MAF: variants seen among roughly 807,000 people sequenced by gnomAD.
MAF encodes the protein MAF bZIP transcription factor.
A neutral mutation model predicts 22.0 loss-of-function variants in MAF; 10 were observed. The observed-to-expected ratio is 0.45, with a 90% CI of 0.28 to 0.77. The LOEUF is 0.77. Among genes scored for constraint, MAF ranks in the 30% least tolerant of loss-of-function variants. MAF has a pLI of 0.12. For missense variants in MAF, 544 were observed against 548.4 expected, an observed-to-expected ratio of 0.99 and a Z score of 0.08; for synonymous variants, 337 against 255.8, an observed-to-expected ratio of 1.32 and a Z score of -3.03.
chr16:79,453,123 C>T, the MAF span, among the ~76,000 whole-genome samples: 1 of 152,156 alleles, frequency 6.6e-6, no homozygotes, highest in Non-Finnish European at 1.5e-5. Context: ...GCACTGGAAA[C>T]ACTTTTCAGA....
the MAF span, among the ~76,000 whole-genome samples, chr16:79,468,679 G>A: frequency 6.6e-6 from 1 of 152,220 alleles, no homozygotes; most frequent in Non-Finnish European, 1.5e-5. Context: ...GGATGGTGCA[G>A]ACAGTGGTAA....
chr16:79,477,595 A>T, the MAF span, among the ~76,000 whole-genome samples: 1 of 152,204 alleles, frequency 6.6e-6, no homozygotes, highest in South Asian at 2.1e-4. Context: ...TAACATTCCT[A>T]TAGCTGCTTT....
chr16:79,339,478 G>C, the MAF span, among the ~76,000 whole-genome samples: 1 of 152,152 alleles, frequency 6.6e-6, no homozygotes, highest in Non-Finnish European at 1.5e-5. Context: ...AGAAGCCTGG[G>C]TCCCTGAATC....
At chr16:79,385,687 G>C in the MAF span, among the ~76,000 whole-genome samples, 2 of 152,134 alleles carry the variant, frequency 1.3e-5, no homozygotes, top group African/African-American at 4.8e-5. Flanking sequence ...GATCACTTAA[G>C]GTCAGGAGTT....
chr16:79,329,757 A>G, the MAF span, among the ~76,000 whole-genome samples: 3 of 152,324 alleles, frequency 2.0e-5, no homozygotes, highest in Middle Eastern at 6.8e-3. Context: ...TTATTGATCT[A>G]TAGTATATAA....
At chr16:79,521,248 G>A in the MAF span, among the ~76,000 whole-genome samples, 6 of 152,256 alleles carry the variant, frequency 3.9e-5, no homozygotes, top group Admixed American at 6.5e-5. Context: ...TAATAGAATC[G>A]CAACATATCA....
chr16:79,559,057 T>G, the MAF span, among the ~76,000 whole-genome samples: 1 of 152,338 alleles, frequency 6.6e-6, no homozygotes, highest in Non-Finnish European at 1.5e-5. Flanking sequence ...GTTTGTGAGC[T>G]GTTGACATTG....
At chr16:79,557,900 G>A in the MAF span, among the ~76,000 whole-genome samples, 1 of 151,028 alleles carries the variant, frequency 6.6e-6, no homozygotes, top group Non-Finnish European at 1.5e-5. Context: ...ACTTCATTGG[G>A]CACTAAGAGA....
chr16:79,289,109 G>A, the MAF span, among the ~76,000 whole-genome samples: 1 of 152,172 alleles, frequency 6.6e-6, no homozygotes, highest in African/African-American at 2.4e-5. Context: ...GAAGTATGAG[G>A]CCATGCAAGG....
the MAF span, among the ~76,000 whole-genome samples, chr16:79,309,942 T>C: frequency 6.6e-6 from 1 of 152,192 alleles, no homozygotes; most frequent in East Asian, 1.9e-4. Context: ...ATGCAAATAT[T>C]CAGAGGTTAA....
the MAF span, among the ~76,000 whole-genome samples, chr16:79,476,203 C>T: frequency 6.6e-6 from 1 of 152,240 alleles, no homozygotes; most frequent in South Asian, 2.1e-4. Context: ...AGAAAAAGAC[C>T]TGGAGCCAGA....
chr16:79,311,878 G>A, the MAF span, among the ~76,000 whole-genome samples: 3 of 152,116 alleles, frequency 2.0e-5, no homozygotes, highest in African/African-American at 4.8e-5. Context: ...ATGGGCACAC[G>A]GACCTCAGCA....
the MAF span, among the ~76,000 whole-genome samples, chr16:79,327,705 G>A: frequency 4.6e-5 from 7 of 152,186 alleles, no homozygotes; most frequent in East Asian, 5.8e-4. Flanking sequence ...GACAAGCCTC[G>A]TACTGTCGCA....
chr16:79,586,044 G>T (rs1242624064), intron 1 of MAF: 2 of 569,552 alleles, frequency 3.5e-6, no homozygotes, highest in South Asian at 2.3e-5. Context: ...TATCAAAAGG[G>T]CAGAATTACA....
chr16:79,353,438 G>T, the MAF span, among the ~76,000 whole-genome samples: 4 of 152,074 alleles, frequency 2.6e-5, no homozygotes, highest in Admixed American at 2.0e-4. Flanking sequence ...CTCAAACCAA[G>T]AAATTATTCA....
At chr16:79,274,088 T>TACA in the MAF span, among the ~76,000 whole-genome samples, 5 of 151,744 alleles carry the variant, frequency 3.3e-5, no homozygotes, top group African/African-American at 1.2e-4. Flanking sequence ...CCGAGTAGCT[T>TACA]GGATTACAGG....
the MAF span, among the ~76,000 whole-genome samples, chr16:79,481,234 G>GTTT: frequency 5.0e-3 from 748 of 148,384 alleles, 6 homozygotes; most frequent in East Asian, 0.012. Flanking sequence ...TTCCACAACA[G>GTTT]TTTTTTTTTT....
the MAF span, among the ~76,000 whole-genome samples, chr16:79,480,510 A>G: frequency 9.2e-5 from 14 of 152,166 alleles, no homozygotes; most frequent in African/African-American, 3.4e-4. Flanking sequence ...AGCATGTAGG[A>G]GAAAAACTGT....
the MAF span, among the ~76,000 whole-genome samples, chr16:79,518,348 A>C: frequency 6.6e-6 from 1 of 152,222 alleles, no homozygotes; most frequent in Non-Finnish European, 1.5e-5. Flanking sequence ...TTCTCTGGGC[A>C]TCTCAACAGT....
Sources: gnomAD v4.1 joint callset for allele counts (sites outside exome capture counted in the v4.1 genomes callset) on GRCh38, gnomAD v4.1.1 for gene constraint, MANE v1.5 for transcripts, NCBI Gene and HGNC (gene_info 2026-07-23, HGNC 2026-07-21) for gene names.